Variants in CFHR5 observed in about 807,000 individuals in gnomAD.
CFHR5 encodes the protein complement factor H related 5.
A neutral mutation model predicts 62.9 loss-of-function variants in CFHR5; 73 were observed. That is an observed-to-expected ratio of 1.16 (90% confidence interval 0.96 to 1.41). The LOEUF is 1.41. CFHR5 is among the 40% of genes most tolerant of loss of function. The pLI is 0.00. For missense variants in CFHR5, 779 were observed against 679.9 expected (o/e 1.15, Z -1.62); for synonymous variants, 249 against 227.2 (o/e 1.10, Z -0.86).
intron 2 of CFHR5, among the ~76,000 whole-genome samples, 161 bp downstream of exon 2, chr1:196,983,240 T>G (rs543059541): frequency 6.6e-6 from 1 of 152,260 alleles, no homozygotes; most frequent in East Asian, 1.9e-4. Flanking sequence ...CCTATGAGAA[T>G]CAATGAAGAA....
In CFHR5 at chr1:197,002,374, A is replaced by G. The variant is rs147231103; in HGVS notation, c.1148-108A>G. 9.9e-4 allele frequency: 726 copies of G among 734,060 alleles called. 7 individuals are homozygous for G. The East Asian group carries it at 0.018, about 18-fold the overall frequency. 45.5% of individuals were successfully genotyped at this position (734,060 alleles called of 1,614,324 possible). ...GAGAAAGAGAAAGTGATAGAGAGAC[A>G]TAGTGTGTGTGTGTCATTGAATCTT... On this transcript the variant is annotated intron_variant, in intron 7 of 9. Transcript: ENST00000256785.
intron 4 of CFHR5, among the ~76,000 whole-genome samples, 162 bp from the exon 5 acceptor site, chr1:196,995,555 C>T (rs1238454457): frequency 2.6e-5 from 4 of 152,020 alleles, no homozygotes; most frequent in Admixed American, 2.0e-4. Context: ...TTTGAGGAAA[C>T]GAATGCAGTC....
chr1:196,996,193 T>C lies in CFHR5; in HGVS notation c.962T>C (p.Met321Thr), dbSNP rs1338709670. Residue 321 changes from methionine to threonine, a missense_variant, in exon 6 of 10, where the codon ATG (methionine) becomes ACG (threonine). Met to Thr is a moderately conservative substitution (Grantham distance 81, BLOSUM62 -1). Coordinates refer to ENST00000256785, the MANE Select transcript of CFHR5 (RefSeq NM_030787.4). ...CINGIWTELP[M>T]CVATHQLKRC... ...AATGGAATATGGACAGAGCTTCCTA[T>C]GTGTGTTGGTGAGAAAACATTCCTA... is the stretch of plus-strand genomic sequence containing the variant. The C allele has an allele frequency of 1.2e-6, 2 of 1,606,928 alleles. No individual in the cohort carries two copies. Among genetic ancestry groups the C allele is most frequent in the East Asian group, 2.2e-5 (1 of 44,832 alleles).
upstream of CFHR5, among the ~76,000 whole-genome samples, chr1:196,975,268 G>A (rs77948462): frequency 0.013 from 1,984 of 152,286 alleles, 37 homozygotes; most frequent in African/African-American, 0.043. Flanking sequence ...AGTAGAGATT[G>A]TAGATAACAT....
chr1:196,977,801 A>AT (rs576733470), intron 1 of CFHR5, 79 bp downstream of exon 1: 880 of 1,008,944 alleles, frequency 8.7e-4, no homozygotes, highest in Non-Finnish European at 1.3e-3. Context: ...GCATACAAAT[A>AT]TTTTTAAATG....
chr1:196,993,928 G>A (rs1653916765), intron 3 of CFHR5, 152 bp from the exon 4 acceptor site: 3 of 639,424 alleles, frequency 4.7e-6, no homozygotes, highest in Non-Finnish European at 8.1e-6. Flanking sequence ...ATATTTATTG[G>A]GTATAAATAA....
At chr1:196,984,833 C>T (rs1653638539) in intron 3 of CFHR5, among the ~76,000 whole-genome samples, 1 of 152,166 alleles carries the variant, frequency 6.6e-6, no homozygotes, top group Non-Finnish European at 1.5e-5. Context: ...TGTCCAGTAA[C>T]TTCTGGCCAC....
rs183273225 is a variant in CFHR5, at chr1:196,991,298, A to G, written c.431-2782A>G. Among the ~76,000 whole-genome samples the G allele has an allele frequency of 3.5e-4, 53 of 152,182 alleles. 1 individual carries two copies. The highest frequency in any genetic ancestry group is 3.4e-3 in the Admixed American group (52 of 15,280). Reference sequence around the variant, plus strand: ...TTTCAAGGTTTTTAGCTTCCTTGCGATGGGTTCAAACATCCTCCTTTAGCT... The same window carrying G: ...TTTCAAGGTTTTTAGCTTCCTTGCGGTGGGTTCAAACATCCTCCTTTAGCT... On this transcript the variant is annotated intron_variant, in intron 3 of 9. Coordinates refer to ENST00000256785, the MANE Select transcript of CFHR5 (RefSeq NM_030787.4).
At chr1:196,984,420 A>C (rs1242579808) in intron 3 of CFHR5, among the ~76,000 whole-genome samples, 1 of 152,234 alleles carries the variant, frequency 6.6e-6, no homozygotes, top group Non-Finnish European at 1.5e-5. Flanking sequence ...GTTAGTTGAC[A>C]ATAAATGGTT....
At chr1:196,997,132 A>G (rs896658600) in intron 6 of CFHR5, among the ~76,000 whole-genome samples, 1 of 152,020 alleles carries the variant, frequency 6.6e-6, no homozygotes, top group Admixed American at 6.6e-5. Context: ...CTCTCTCTCC[A>G]TCTCCTGGAC....
chr1:196,986,692 A>C (rs796236204), intron 3 of CFHR5, among the ~76,000 whole-genome samples: 4 of 152,268 alleles, frequency 2.6e-5, no homozygotes, highest in African/African-American at 9.6e-5. Flanking sequence ...TGCAAAGGAC[A>C]AGAACTCATC....
intron 3 of CFHR5, among the ~76,000 whole-genome samples, chr1:196,989,058 G>T (rs150916848): frequency 0.013 from 2,050 of 152,170 alleles, 40 homozygotes; most frequent in African/African-American, 0.045. Context: ...CCTGTTATTG[G>T]TCTATTCAGA....
intron 1 of CFHR5, among the ~76,000 whole-genome samples, chr1:196,980,248 T>C (rs1558281145): frequency 6.6e-6 from 1 of 152,172 alleles, no homozygotes; most frequent in Non-Finnish European, 1.5e-5. Flanking sequence ...ACAGTTATTT[T>C]TTTTTAATAA....
intron 3 of CFHR5, among the ~76,000 whole-genome samples, chr1:196,991,274 T>G (rs1301127086): frequency 6.6e-6 from 1 of 152,196 alleles, no homozygotes; most frequent in Non-Finnish European, 1.5e-5. Context: ...CTAATCTTTT[T>G]TCAAGGTTTT....
At position 197,009,022 on chromosome 1, in the gene CFHR5, A is replaced by G. The variant is rs1471129352; in HGVS notation, c.*339A>G. ...GGTGAGGGTCTTCTCGAAGCATCATAATATGCTGGAAGGCATCACAACATG... is the reference window on the plus strand; with the variant it reads ...GGTGAGGGTCTTCTCGAAGCATCATGATATGCTGGAAGGCATCACAACATG... On this transcript the variant is annotated 3_prime_UTR_variant, in exon 10 of 10. Coordinates refer to ENST00000256785, the MANE Select transcript of CFHR5 (RefSeq NM_030787.4). 2.2e-5 allele frequency: 5 copies of G among 225,540 alleles called. No homozygotes were observed. Among genetic ancestry groups the G allele is most frequent in the Non-Finnish European group, 4.5e-5 (5 of 111,556 alleles). 14.0% of individuals were successfully genotyped at this position (225,540 alleles called of 1,614,324 possible).
At chr1:196,990,750 T>C (rs1392341025) in intron 3 of CFHR5, among the ~76,000 whole-genome samples, 2 of 152,212 alleles carry the variant, frequency 1.3e-5, no homozygotes, top group Admixed American at 6.5e-5. Flanking sequence ...ACTATTAGTC[T>C]GATGGGCTTC....
intron 4 of CFHR5, 23 bp from the exon 5 acceptor site, chr1:196,995,694 T>C: frequency 6.3e-7 from 1 of 1,595,078 alleles, no homozygotes; most frequent in Non-Finnish European, 8.6e-7. Context: ...ATTTAAGCAT[T>C]ATTTATGGTT....
chr1:197,008,591 CA>C lies in CFHR5; in HGVS notation c.1619del (p.Gln540ArgfsTer9). 6.2e-7 allele frequency: 1 copy of C among 1,613,578 alleles called. No homozygotes were observed. Among genetic ancestry groups the C allele is most frequent in the Non-Finnish European group, 8.5e-7 (1 of 1,179,668 alleles). On this transcript the variant is annotated frameshift_variant, in exon 10 of 10. Transcript: ENST00000256785. LOFTEE classifies it low-confidence loss of function (END_TRUNC). ...YAKTGDAVEF[Q>X]CKFPHKAMIS... ...AAAAACAGGGGATGCTGTTGAATTC[CA>C]GTGTAAATTCCCACATAAAGCGATG...
At chr1:196,997,456 A>T (rs147872530) in intron 6 of CFHR5, among the ~76,000 whole-genome samples, 2 of 152,278 alleles carry the variant, frequency 1.3e-5, no homozygotes, top group East Asian at 3.9e-4. Context: ...TCATTATCCC[A>T]TCCTTTTACA....
Sources: allele counts gnomAD v4.1 joint callset (sites outside exome capture counted in the v4.1 genomes callset), GRCh38; gene constraint gnomAD v4.1.1; transcripts MANE v1.5; gene names NCBI Gene and HGNC (gene_info 2026-07-23, HGNC 2026-07-21).